Variants in VEPH1 observed in about 807,000 individuals in gnomAD.
The protein encoded by VEPH1 is ventricular zone expressed PH domain containing 1.
Under a neutral mutation model 85.2 loss-of-function variants are expected in VEPH1, and 80 were observed. The ratio of observed to expected loss-of-function variants is 0.94; its 90% CI spans 0.78 to 1.13. The LOEUF (loss-of-function observed/expected upper bound fraction) is 1.13. VEPH1 is among the 50% of genes most tolerant of loss of function. The pLI is 0.00. For synonymous variants in VEPH1, 297 were observed against 348.0 expected, an observed-to-expected ratio of 0.85 and a Z score of 1.63; for missense variants, 955 against 980.5, an observed-to-expected ratio of 0.97 and a Z score of 0.35.
intron 11 of VEPH1, among the ~76,000 whole-genome samples, chr3:157,298,516 ACTTGC>A (rs1375533720): frequency 1.3e-5 from 2 of 152,226 alleles, no homozygotes; most frequent in Non-Finnish European, 2.9e-5. Flanking sequence ...CCCCAAGGAC[ACTTGC>A]ATAAACTAGG....
chr3:157,313,025 C>T (rs1720293559), intron 11 of VEPH1, among the ~76,000 whole-genome samples: 2 of 150,718 alleles, frequency 1.3e-5, no homozygotes, highest in African/African-American at 4.9e-5. Flanking sequence ...CTGCCTCAGC[C>T]TCCCGAGTAG....
intron 4 of VEPH1, chr3:157,442,844 T>C (rs758492715): frequency 1.2e-6 from 2 of 1,614,196 alleles, no homozygotes; most frequent in South Asian, 2.2e-5. Flanking sequence ...CAGGCTTCAA[T>C]ATCTGGGATA....
intron 5 of VEPH1, among the ~76,000 whole-genome samples, chr3:157,416,192 C>T (rs762662524): frequency 4.2e-4 from 64 of 152,152 alleles, no homozygotes; most frequent in Non-Finnish European, 7.9e-4. Flanking sequence ...CTGAATAAAA[C>T]ATCTCCCCCA....
At chr3:157,359,434 A>T (rs1725797331) in intron 9 of VEPH1, among the ~76,000 whole-genome samples, 1 of 152,230 alleles carries the variant, frequency 6.6e-6, no homozygotes, top group South Asian at 2.1e-4. Flanking sequence ...AAACCTGCAC[A>T]AATACTAGAG....
chr3:157,348,594 A>T (rs1028074313), intron 9 of VEPH1, among the ~76,000 whole-genome samples: 7 of 152,208 alleles, frequency 4.6e-5, no homozygotes, highest in Admixed American at 3.3e-4. Context: ...TTTTTAAATC[A>T]GATTGTTAGA....
intron 6 of VEPH1, among the ~76,000 whole-genome samples, chr3:157,395,102 G>C (rs571113329): frequency 6.6e-6 from 1 of 152,174 alleles, no homozygotes; most frequent in Admixed American, 6.5e-5. Flanking sequence ...ATGCATTGCC[G>C]CATTTCTGTC....
chr3:157,336,131 C>T lies in VEPH1; in HGVS notation c.1736-18930G>A, dbSNP rs145482084. Among the ~76,000 whole-genome samples, 424 of 152,264 alleles carry T rather than the reference C, an allele frequency of 2.8e-3. 5 individuals are homozygous for T. The East Asian group carries it at 0.043, about 16-fold the overall frequency. ...AATATTTCCTTTGGGTCTTAGAAAG[C>T]AGGCTAGAGGGAAAGGGTTTCAGAA... On this transcript the variant is annotated intron_variant, in intron 9 of 13. Coordinates refer to ENST00000362010, the MANE Select transcript of VEPH1 (RefSeq NM_001167912.2).
chr3:157,396,062 C>G (rs1404241944), intron 6 of VEPH1, among the ~76,000 whole-genome samples: 1 of 152,184 alleles, frequency 6.6e-6, no homozygotes, highest in Non-Finnish European at 1.5e-5. Flanking sequence ...CATGCATTAT[C>G]TATTCTTTCT....
At chr3:157,270,186 G>A (rs527795842) in intron 12 of VEPH1, among the ~76,000 whole-genome samples, 9 of 152,050 alleles carry the variant, frequency 5.9e-5, no homozygotes, top group South Asian at 2.1e-4. Flanking sequence ...TGGGAGGATC[G>A]CTTGAGCCTC....
intron 12 of VEPH1, among the ~76,000 whole-genome samples, chr3:157,271,780 A>G (rs1027741223): frequency 6.6e-6 from 1 of 152,196 alleles, no homozygotes; most frequent in Admixed American, 6.5e-5. Flanking sequence ...TGGAAAACAG[A>G]AGCGATCAGG....
At chr3:157,496,496 A>G (rs1016788166) in intron 1 of VEPH1, among the ~76,000 whole-genome samples, 3 of 152,252 alleles carry the variant, frequency 2.0e-5, no homozygotes, top group African/African-American at 7.2e-5. Context: ...AGTAGAGTGG[A>G]ATCACCTCAT....
At chr3:157,388,068 C>T (rs1729494302) in intron 6 of VEPH1, among the ~76,000 whole-genome samples, 1 of 152,180 alleles carries the variant, frequency 6.6e-6, no homozygotes, top group Non-Finnish European at 1.5e-5. Context: ...TTGTATTTTA[C>T]ACCATTTGAT....
Position 157,359,516 on chromosome 3 carries a change from G to C in VEPH1, c.1735+3848C>G, listed in dbSNP as rs113352162. Among the ~76,000 whole-genome samples, 1,139 of 152,228 alleles carry C rather than the reference G, an allele frequency of 7.5e-3. 16 individuals are homozygous for C. The highest frequency in any genetic ancestry group is 9.6e-3 in the Non-Finnish European group (655 of 68,006). ...GTTTCATATCCAAAATGACACTGCC[G>C]ACCCAAACTTAATAAGACCTGGGGT... On this transcript the variant is annotated intron_variant, in intron 9 of 13. Coordinates refer to ENST00000362010, the MANE Select transcript of VEPH1 (RefSeq NM_001167912.2).
At chr3:157,416,775 T>G (rs1357230713) in intron 5 of VEPH1, among the ~76,000 whole-genome samples, 1 of 105,440 alleles carries the variant, frequency 9.5e-6, no homozygotes, top group Non-Finnish European at 2.1e-5. Flanking sequence ...AAAGAAAAAA[T>G]GAAGGAAGGA....
chr3:157,372,613 T>C (rs1370950395), intron 7 of VEPH1, among the ~76,000 whole-genome samples: 1 of 152,204 alleles, frequency 6.6e-6, no homozygotes, highest in East Asian at 1.9e-4. Context: ...GTTTAGGGAA[T>C]AAAATATTAG....
intron 9 of VEPH1, among the ~76,000 whole-genome samples, chr3:157,318,311 T>C (rs60626378): frequency 0.13 from 20,092 of 152,158 alleles, 2,455 homozygotes; most frequent in African/African-American, 0.33. Context: ...GTGAAATGTT[T>C]TGAAAATTAA....
chr3:157,308,956 A>G (rs374919064), intron 11 of VEPH1, among the ~76,000 whole-genome samples: 26 of 152,326 alleles, frequency 1.7e-4, no homozygotes, highest in African/African-American at 6.0e-4. Flanking sequence ...AATGACCAGT[A>G]AAGTTAATTA....
At chr3:157,503,206 A>G (rs1740250749) in intron 1 of VEPH1, 71 bp downstream of exon 1, 1 of 152,242 alleles carries the variant, frequency 6.6e-6, no homozygotes, top group Admixed American at 6.5e-5. Flanking sequence ...GCTTCTTTGC[A>G]GCCTCTGACA....
chr3:157,397,665 T>C (rs1047536428), intron 6 of VEPH1, among the ~76,000 whole-genome samples: 1 of 152,184 alleles, frequency 6.6e-6, no homozygotes, highest in Non-Finnish European at 1.5e-5. Flanking sequence ...CCTAGGTATT[T>C]TATTCTCTTT....
Sources: allele counts gnomAD v4.1 joint callset (sites outside exome capture counted in the v4.1 genomes callset), GRCh38; gene constraint gnomAD v4.1.1; transcripts MANE v1.5; gene names NCBI Gene and HGNC (gene_info 2026-07-23, HGNC 2026-07-21).